ZMYM1: variants seen among roughly 807,000 people sequenced by gnomAD.
ZMYM1 encodes zinc finger MYM-type protein 1.
Under a neutral mutation model 60.0 loss-of-function variants are expected in ZMYM1, and 39 were observed. That is an observed-to-expected ratio of 0.65 (90% CI 0.50 to 0.85). The LOEUF is 0.85. Among genes scored for constraint, ZMYM1 ranks in the 40% least tolerant of loss-of-function variants. The pLI, the probability that ZMYM1 is intolerant of heterozygous loss-of-function variation, is 0.00. For synonymous variants in ZMYM1, 413 were observed against 454.0 expected (o/e 0.91, Z 1.15); for missense variants, 1,171 against 1,309.5 (o/e 0.89, Z 1.63).
chr1:35,092,812 A>G (rs943375975), intron 1 of ZMYM1, among the ~76,000 whole-genome samples: 9 of 151,840 alleles, frequency 5.9e-5, no homozygotes, highest in African/African-American at 2.2e-4. Flanking sequence ...TTTAGTAGAG[A>G]TGGGATTTCA....
chr1:35,064,047 C>A (rs1049491976), intron 1 of ZMYM1, among the ~76,000 whole-genome samples: 1 of 152,038 alleles, frequency 6.6e-6, no homozygotes, highest in South Asian at 2.1e-4. Context: ...AAGTTTCAGC[C>A]GGGCACAGTG....
upstream of ZMYM1, among the ~76,000 whole-genome samples, chr1:35,074,855 A>ATT (rs35087634): frequency 6.8e-6 from 1 of 147,710 alleles, no homozygotes; most frequent in Non-Finnish European, 1.5e-5. Flanking sequence ...ACACATATAT[A>ATT]TTTTTTTTTT....
At chr1:35,063,142 T>A (rs63560060) in intron 1 of ZMYM1, among the ~76,000 whole-genome samples, 2 of 148,562 alleles carry the variant, frequency 1.3e-5, no homozygotes, top group African/African-American at 2.5e-5. Flanking sequence ...TTTTTTTTTT[T>A]AAGAGACAGG....
intron 1 of ZMYM1, among the ~76,000 whole-genome samples, chr1:35,071,343 T>C (rs1171780721): frequency 6.6e-6 from 1 of 151,434 alleles, no homozygotes; most frequent in East Asian, 1.9e-4. Context: ...TTATTTATTT[T>C]TGGAGTCAGG....
chr1:35,111,768 T>A lies in ZMYM1; in HGVS notation c.962-4T>A, dbSNP rs1196861844. 1 of 1,559,568 alleles carries A rather than the reference T, an allele frequency of 6.4e-7. No homozygotes were observed. Among genetic ancestry groups the A allele is most frequent in the Non-Finnish European group, 8.7e-7 (1 of 1,152,012 alleles). ...TTTATAAGAAATCTTTTTATTGTTG[T>A]CAGTAAGTGTTGTTTCTGTGGTGCA... On this transcript the variant is annotated splice_region_variant and splice_polypyrimidine_tract_variant and intron_variant, in intron 7 of 9. Coordinates refer to ENST00000359858, the MANE Select transcript of ZMYM1 (RefSeq NM_024772.5).
At chr1:35,064,686 C>CTTTTT (rs34080777) in intron 1 of ZMYM1, among the ~76,000 whole-genome samples, 3 of 113,002 alleles carry the variant, frequency 2.7e-5, no homozygotes, top group Admixed American at 9.0e-5. Flanking sequence ...CAATATATTT[C>CTTTTT]TTTTTTTTTT....
chr1:35,071,261 A>G (rs1031318476), intron 1 of ZMYM1, among the ~76,000 whole-genome samples: 1 of 151,942 alleles, frequency 6.6e-6, no homozygotes, highest in African/African-American at 2.4e-5. Flanking sequence ...GATGAATCCC[A>G]CTTGTTCGTG....
intron 1 of ZMYM1, among the ~76,000 whole-genome samples, chr1:35,089,082 G>C (rs1642846257): frequency 6.6e-6 from 1 of 152,026 alleles, no homozygotes; most frequent in Non-Finnish European, 1.5e-5. Flanking sequence ...AGAGCGCAGG[G>C]ATTTCAGGCA....
At chr1:35,067,756 TC>T (rs1363837425) in intron 1 of ZMYM1, among the ~76,000 whole-genome samples, 3 of 151,706 alleles carry the variant, frequency 2.0e-5, no homozygotes, top group African/African-American at 7.2e-5. Context: ...GCGCCTGTGG[TC>T]CCGGCTGCTT....
At position 35,115,479 on chromosome 1, in the gene ZMYM1, A is replaced by G. The variant is rs186263168; in HGVS notation, c.*220A>G. ...TATTGTACGGTGTATACTGTTCTTC[A>G]GCTTGTCTTCTCTGTGTAACATATT... On this transcript the variant is annotated 3_prime_UTR_variant, in exon 10 of 10. Transcript: ENST00000359858. 16 of 329,228 alleles carry G rather than the reference A, an allele frequency of 4.9e-5. No individual in the cohort carries two copies. Among genetic ancestry groups the G allele is most frequent in the Non-Finnish European group, 8.1e-5 (15 of 185,324 alleles). 20.4% of individuals were successfully genotyped at this position (329,228 alleles called of 1,614,324 possible).
chr1:35,067,745 C>A (rs766815662), intron 1 of ZMYM1, among the ~76,000 whole-genome samples: 1 of 151,586 alleles, frequency 6.6e-6, no homozygotes, highest in Non-Finnish European at 1.5e-5. Context: ...CATGGTGGTG[C>A]GCGCCTGTGG....
upstream of ZMYM1, among the ~76,000 whole-genome samples, chr1:35,074,435 T>G (rs1642129497): frequency 1.3e-5 from 2 of 152,094 alleles, no homozygotes; most frequent in African/African-American, 4.8e-5. Context: ...TTTTCTTTTT[T>G]TTGAGACTCT....
intron 1 of ZMYM1, among the ~76,000 whole-genome samples, chr1:35,090,628 GGC>G (rs1642944924): frequency 6.6e-6 from 1 of 152,220 alleles, no homozygotes; most frequent in South Asian, 2.1e-4. Flanking sequence ...GAAGCAGGCA[GGC>G]ATGTGTGATG....
chr1:35,103,079 C>T (rs1333014026), intron 4 of ZMYM1, among the ~76,000 whole-genome samples: 1 of 152,054 alleles, frequency 6.6e-6, no homozygotes, highest in Admixed American at 6.6e-5. Context: ...ACGGTTTTAC[C>T]CACCATTGCC....
In ZMYM1 at chr1:35,104,366, G is replaced by T; in HGVS notation, c.491G>T (p.Ser164Ile). The T allele has an allele frequency of 6.2e-7, 1 of 1,612,312 alleles. No homozygotes were observed. The stretch of plus-strand genomic sequence containing the variant: ...ACTACCTCTTGCAAAACTTTTTGCA[G>T]CCTATCTTGTCTTTCATCATATGAA... ...EDTTSCKTFC[S>I]LSCLSSYEEK... Residue 164 changes from serine (S) to isoleucine (I), a missense_variant, in exon 5 of 10, where the codon AGC becomes ATC. By Grantham distance (142) the Ser-to-Ile change is moderately radical. Transcript: ENST00000359858.
chr1:35,106,118 T>C (rs1033178813), intron 6 of ZMYM1, among the ~76,000 whole-genome samples: 8 of 152,094 alleles, frequency 5.3e-5, no homozygotes, highest in Admixed American at 1.3e-4. Flanking sequence ...TATCACATGC[T>C]TTCTCTGAGT....
chr1:35,110,853 G>A (rs1314980563), intron 7 of ZMYM1, among the ~76,000 whole-genome samples: 3 of 152,152 alleles, frequency 2.0e-5, no homozygotes, highest in African/African-American at 7.2e-5. Flanking sequence ...AGAATCATTT[G>A]AACCTGGGTG....
intron 1 of ZMYM1, among the ~76,000 whole-genome samples, chr1:35,062,382 G>A (rs1641892097): frequency 6.6e-6 from 1 of 152,198 alleles, no homozygotes; most frequent in African/African-American, 2.4e-5. Flanking sequence ...GTCATGTAAG[G>A]AGGTTCTACC....
At position 35,113,634 on chromosome 1, in the gene ZMYM1, T is replaced by C. The variant is rs1644170822; in HGVS notation, c.1804T>C (p.Phe602Leu). The C allele has an allele frequency of 3.7e-6, 6 of 1,612,804 alleles. No individual in the cohort carries two copies. The highest frequency in any genetic ancestry group is 5.1e-6 in the Non-Finnish European group (6 of 1,179,628). The change falls in exon 10 of 10, where the codon TTT becomes CTT. Residue 602 changes from phenylalanine to leucine, a missense_variant. Coordinates refer to ENST00000359858, the MANE Select transcript of ZMYM1 (RefSeq NM_024772.5). The part of the protein sequence containing the change: ...MRAKDKGEET[F>L]RLMNSQVDFY... ...AGCAAAAGATAAAGGAGAAGAAACA[T>C]TTCGACTTATGAATTCACAAGTTGA...
Sources: gnomAD v4.1 joint callset for allele counts (sites outside exome capture counted in the v4.1 genomes callset) on GRCh38, gnomAD v4.1.1 for gene constraint, MANE v1.5 for transcripts, NCBI Gene and HGNC (gene_info 2026-07-23, HGNC 2026-07-21) for gene names.